The following PPARGC1A variants were observed in gnomAD, a reference collection of about 807,000 sequenced individuals.
PPARGC1A encodes the protein PPARG coactivator 1 alpha.
In PPARGC1A, 25 loss-of-function variants were observed where a neutral mutation model predicts 88.7. The ratio of observed to expected loss-of-function variants is 0.28; its 90% confidence interval spans 0.21 to 0.39. The LOEUF (loss-of-function observed/expected upper bound fraction) is 0.39. Ranked by LOEUF, PPARGC1A falls within the 10% of genes least tolerant of loss-of-function variation. PPARGC1A has a pLI of 1.00. For synonymous variants in PPARGC1A, 363 were observed against 355.6 expected (o/e 1.02, Z -0.24); for missense variants, 880 against 968.7 (o/e 0.91, Z 1.22).
the PPARGC1A span, among the ~76,000 whole-genome samples, chr4:24,449,238 G>T: frequency 6.6e-6 from 1 of 152,120 alleles, no homozygotes; most frequent in Non-Finnish European, 1.5e-5. Flanking sequence ...AACTCCTTGG[G>T]GAGATGGATT....
At chr4:24,274,681 G>A in the PPARGC1A span, among the ~76,000 whole-genome samples, 1 of 152,136 alleles carries the variant, frequency 6.6e-6, no homozygotes, top group South Asian at 2.1e-4. Context: ...AGCTAGATTT[G>A]TCTTATCTGC....
At chr4:23,912,367 A>G in the PPARGC1A span, among the ~76,000 whole-genome samples, 2 of 152,130 alleles carry the variant, frequency 1.3e-5, no homozygotes, top group Non-Finnish European at 2.9e-5. Context: ...CACCATGCCT[A>G]TATCTTAGGG....
At chr4:23,903,798 G>A (rs1290112760), upstream of PPARGC1A, among the ~76,000 whole-genome samples, 1 of 151,512 alleles carries the variant, frequency 6.6e-6, no homozygotes, top group Non-Finnish European at 1.5e-5. Flanking sequence ...ACTGACAAAC[G>A]AACAGCTTTA....
chr4:24,173,108 T>C, the PPARGC1A span, among the ~76,000 whole-genome samples: 2,585 of 152,250 alleles, frequency 0.017, 93 homozygotes, highest in African/African-American at 0.059. Context: ...ACAGGCATGT[T>C]ACTGGTGACA....
At chr4:24,007,293 T>C in the PPARGC1A span, among the ~76,000 whole-genome samples, 1 of 152,176 alleles carries the variant, frequency 6.6e-6, no homozygotes, top group African/African-American at 2.4e-5. Context: ...AACTAGGATT[T>C]ATCAAATGCC....
chr4:24,111,451 C>T, the PPARGC1A span, among the ~76,000 whole-genome samples: 12,219 of 152,184 alleles, frequency 0.08, 550 homozygotes, highest in East Asian at 0.17. Flanking sequence ...CAAGAAACTT[C>T]CAAACAACTA....
At chr4:24,054,869 TA>T in the PPARGC1A span, among the ~76,000 whole-genome samples, 3,317 of 152,284 alleles carry the variant, frequency 0.022, 114 homozygotes, top group African/African-American at 0.074. Context: ...GCAGCAGTAG[TA>T]ACTGTAGAAA....
the PPARGC1A span, among the ~76,000 whole-genome samples, chr4:23,917,473 G>A: frequency 4.9e-3 from 743 of 150,572 alleles, 35 homozygotes; most frequent in East Asian, 0.1. Flanking sequence ...ACAGGCGCCC[G>A]CCACCACGCC....
the PPARGC1A span, among the ~76,000 whole-genome samples, chr4:24,221,815 T>C: frequency 1.8e-5 from 1 of 56,608 alleles, no homozygotes; most frequent in Admixed American, 2.2e-4. Context: ...ATGAATGGAA[T>C]TGTTATACTT....
the PPARGC1A span, among the ~76,000 whole-genome samples, chr4:24,469,217 A>G: frequency 6.6e-6 from 1 of 152,256 alleles, no homozygotes; most frequent in South Asian, 2.1e-4. Flanking sequence ...TGAGATTTAA[A>G]GTATCGCCTT....
At chr4:23,844,109 A>G (rs913012935) in intron 2 of PPARGC1A, among the ~76,000 whole-genome samples, 3 of 150,936 alleles carry the variant, frequency 2.0e-5, no homozygotes, top group Non-Finnish European at 4.4e-5. Context: ...TTGGTGGTGA[A>G]AGGATGGCAG....
chr4:24,349,352 C>A, the PPARGC1A span, among the ~76,000 whole-genome samples: 4 of 152,130 alleles, frequency 2.6e-5, no homozygotes, highest in East Asian at 3.9e-4. Context: ...GTGGGCGGGG[C>A]CCTAGAACTC....
At chr4:23,993,113 C>A in the PPARGC1A span, among the ~76,000 whole-genome samples, 59 of 152,124 alleles carry the variant, frequency 3.9e-4, no homozygotes, top group African/African-American at 1.4e-3. Context: ...AAAAAAAGGG[C>A]AAACTCTGTG....
the PPARGC1A span, among the ~76,000 whole-genome samples, chr4:24,213,495 T>C: frequency 7.2e-5 from 11 of 152,140 alleles, no homozygotes; most frequent in Non-Finnish European, 1.0e-4. Flanking sequence ...TCACACCCCA[T>C]TGTGTGTTAA....
the PPARGC1A span, among the ~76,000 whole-genome samples, chr4:23,964,125 A>T: frequency 6.6e-6 from 1 of 152,356 alleles, no homozygotes; most frequent in East Asian, 1.9e-4. Flanking sequence ...AAATGCTTCA[A>T]TGGTGCCTGC....
chr4:24,442,109 G>A, the PPARGC1A span, among the ~76,000 whole-genome samples: 4 of 152,034 alleles, frequency 2.6e-5, no homozygotes, highest in African/African-American at 9.7e-5. Flanking sequence ...GGAAATCAAA[G>A]TTAACTGAAA....
the PPARGC1A span, among the ~76,000 whole-genome samples, chr4:23,923,289 A>C: frequency 6.6e-6 from 1 of 152,144 alleles, no homozygotes; most frequent in Non-Finnish European, 1.5e-5. Context: ...GCAGGTCAGC[A>C]GAGGTAACAG....
the PPARGC1A span, among the ~76,000 whole-genome samples, chr4:24,296,863 A>G: frequency 6.6e-6 from 1 of 152,228 alleles, no homozygotes; most frequent in Non-Finnish European, 1.5e-5. Context: ...GCCAGGATGC[A>G]TACGAAGTTC....
the PPARGC1A span, among the ~76,000 whole-genome samples, chr4:24,126,229 A>C: frequency 4.0e-5 from 6 of 150,602 alleles, no homozygotes; most frequent in African/African-American, 1.2e-4. Flanking sequence ...TGAGTGCTGA[A>C]ATCGTAATTT....
Sources: allele counts gnomAD v4.1 joint callset (sites outside exome capture counted in the v4.1 genomes callset), GRCh38; gene constraint gnomAD v4.1.1; transcripts MANE v1.5; gene names NCBI Gene and HGNC (gene_info 2026-07-23, HGNC 2026-07-21).